The following NME4 variants were observed in gnomAD, a reference collection of about 807,000 sequenced individuals.
The protein encoded by NME4 is NME/NM23 nucleoside diphosphate kinase 4.
A neutral mutation model predicts 16.4 loss-of-function variants in NME4; 21 were observed. The ratio of observed to expected loss-of-function variants is 1.28; its 90% CI spans 0.91 to 1.84. NME4 has a LOEUF of 1.84. NME4 is among the 40% of genes most tolerant of loss of function. The pLI, the probability that NME4 is intolerant of heterozygous loss-of-function variation, is 0.00. For missense variants in NME4, 316 were observed against 261.3 expected (o/e 1.21, Z -1.44); for synonymous variants, 132 against 107.5 (o/e 1.23, Z -1.41).
At chr16:398,285 C>G in intron 1 of NME4, 1 of 1,363,908 alleles carries the variant, frequency 7.3e-7, no homozygotes, top group South Asian at 1.2e-5. Flanking sequence ...CTTGAAACTC[C>G]ACAGCAGCAC....
intron 1 of NME4, chr16:397,754 C>T (rs1360056846): frequency 7.4e-5 from 72 of 977,728 alleles, no homozygotes; most frequent in African/African-American, 7.0e-5. Flanking sequence ...GGAGCCGCTC[C>T]GCTGGGGCGT....
intron 1 of NME4, among the ~76,000 whole-genome samples, chr16:397,527 C>T (rs1442502654): frequency 2.0e-4 from 26 of 131,518 alleles, no homozygotes; most frequent in African/African-American, 7.4e-4. Context: ...CTCGCCTCCC[C>T]AGGCCCCAGG....
In NME4 at chr16:399,658, C is replaced by T. The variant is rs117955933; in HGVS notation, c.359C>T (p.Ser120Leu). The change falls in exon 4 of 5, where the codon TCG becomes TTG. Residue 120 changes from serine to leucine, a missense_variant. Coordinates refer to ENST00000219479, the MANE Select transcript of NME4 (RefSeq NM_005009.3). ...GAAGGGTACAATGTCGTCCGCGCCT[C>T]GAGGGCCATGATTGGACACACCGAC... ...VWEGYNVVRA[S>L]RAMIGHTDSA... 107 of 1,613,180 alleles carry T rather than the reference C, an allele frequency of 6.6e-5. 1 individual carries two copies. Among genetic ancestry groups the T allele is most frequent in the Non-Finnish European group, 8.7e-5 (103 of 1,179,940 alleles).
chr16:396,800 C>T (rs1358388619), upstream of NME4: 1 of 152,232 alleles, frequency 6.6e-6, no homozygotes, highest in Non-Finnish European at 1.5e-5. Flanking sequence ...GGCTTCTAGA[C>T]CTCCTTTTGG....
At chr16:398,122 C>T (rs940927704) in intron 1 of NME4, 19 of 1,534,472 alleles carry the variant, frequency 1.2e-5, no homozygotes, top group Middle Eastern at 1.7e-4. Flanking sequence ...CCTCTGGAAA[C>T]CAGGGACCCG....
chr16:400,143 G>A (rs2054630727), intron 4 of NME4, 76 bp from the exon 5 acceptor site: 3 of 1,603,014 alleles, frequency 1.9e-6, no homozygotes, highest in Non-Finnish European at 2.6e-6. Context: ...AGGGCAACGG[G>A]AGCAGCAGAT....
Position 397,252 on chromosome 16 carries a change from G to A in NME4, c.30G>A (p.Leu10=). 9.6e-7 allele frequency: 1 copy of A among 1,046,006 alleles called. No individual in the cohort carries two copies. The highest frequency in any genetic ancestry group is 1.1e-6 in the Non-Finnish European group (1 of 871,482). The allele number at this position is 1,046,006 out of a possible 1,614,324, so 64.8% of individuals were successfully genotyped here. ...GCGGCCTCTTCTGGCGCTCCGCGCT[G>A]CGGGGGCTGCGCTGCGGCCCGCGGG... The part of the protein sequence containing the change: MGGLFWRSA[L]RGLRCGPRAP... Residue 10 remains leucine (L), a synonymous_variant, in exon 1 of 5, where the codon CTG becomes CTA. Transcript: ENST00000219479.
chr16:399,768 T>A, intron 4 of NME4, 29 bp downstream of exon 4: 2 of 1,579,286 alleles, frequency 1.3e-6, no homozygotes, highest in Non-Finnish European at 1.7e-6. Context: ...ACCAGGCTGC[T>A]GCTGGGGGCA....
chr16:400,104 T>G, intron 4 of NME4, 115 bp from the exon 5 acceptor site: 1 of 1,447,520 alleles, frequency 6.9e-7, no homozygotes, highest in Non-Finnish European at 9.7e-7. Flanking sequence ...CTTCCCTGTC[T>G]GCAGTCACAG....
chr16:398,410 G>T lies in NME4; in HGVS notation c.92-580G>T, dbSNP rs568075522. 7.6e-5 allele frequency: 92 copies of T among 1,218,320 alleles called. No individual in the cohort carries two copies. In the Middle Eastern group the frequency reaches 1.0e-3, roughly 14 times the overall value. The allele number at this position is 1,218,320 out of a possible 1,614,324, so 75.5% of individuals were successfully genotyped here. On this transcript the variant is annotated intron_variant, in intron 1 of 4. Transcript: ENST00000219479. ...GGTGGGGAAAGTGTGTTTCTCCCTG[G>T]TTCCCTGCCACTCATTCACCTCAGA...
Position 400,574 on chromosome 16 carries a change from G to C in NME4, c.*232G>C. 2.0e-6 allele frequency: 1 copy of C among 492,586 alleles called. No homozygotes were observed. Among genetic ancestry groups the C allele is most frequent in the South Asian group, 3.8e-5 (1 of 26,352 alleles). The allele number at this position is 492,586 out of a possible 1,614,324, so 30.5% of individuals were successfully genotyped here. ...TGCACCAAAGTGCCGGACAACCTTT[G>C]TGGTGGGGGGGGGTCTTCACATTAT... On this transcript the variant is annotated 3_prime_UTR_variant, in exon 5 of 5. Coordinates refer to ENST00000219479, the MANE Select transcript of NME4 (RefSeq NM_005009.3).
At position 397,268 on chromosome 16, in the gene NME4, G is replaced by A; in HGVS notation, c.46G>A (p.Gly16Ser). 4.8e-6 allele frequency: 5 copies of A among 1,052,228 alleles called. No individual in the cohort carries two copies. The highest frequency in any genetic ancestry group is 5.7e-6 in the Non-Finnish European group (5 of 875,488). 65.2% of individuals were successfully genotyped at this position (1,052,228 alleles called of 1,614,324 possible). A position where few individuals can be genotyped will look rare whatever the true frequency, so the allele number is the denominator to read the frequency against. Residue 16 changes from glycine (G) to serine (S), a missense_variant, in exon 1 of 5, where the codon GGC becomes AGC. Transcript: ENST00000219479. ...WRSALRGLRC[G>S]PRAPGPSLLV... is the part of the protein sequence containing the mutation. ...CTCCGCGCTGCGGGGGCTGCGCTGCGGCCCGCGGGCCCCGGGCCCGAGCCT... is the reference window on the plus strand; with the variant it reads ...CTCCGCGCTGCGGGGGCTGCGCTGCAGCCCGCGGGCCCCGGGCCCGAGCCT...
intron 1 of NME4, chr16:398,000 G>A: frequency 1.3e-6 from 2 of 1,541,516 alleles, no homozygotes; most frequent in Non-Finnish European, 1.7e-6. Context: ...AACCAACCAG[G>A]GGGTCTTCCT....
At chr16:398,186 A>C (rs1487750621) in intron 1 of NME4, 1 of 1,500,192 alleles carries the variant, frequency 6.7e-7, no homozygotes, top group Non-Finnish European at 9.0e-7. Context: ...GAAGGTGAGG[A>C]CGTCTTCTGT....
In NME4 at chr16:397,246, CGCGCTGCGGGGGCT is replaced by C. The variant is rs2054560251; in HGVS notation, c.34_47del (p.Gly12ProfsTer46). Reference sequence around the variant, plus strand: ...TCATGGGCGGCCTCTTCTGGCGCTCCGCGCTGCGGGGGCTGCGCTGCGGCCCGCGGGCCCCGGGC... The same window carrying C: ...TCATGGGCGGCCTCTTCTGGCGCTCCGCGCTGCGGCCCGCGGGCCCCGGGC... On this transcript the variant is annotated frameshift_variant, in exon 1 of 5. Transcript: ENST00000219479. LOFTEE classifies it high-confidence loss of function. 2 of 1,041,568 alleles carry C rather than the reference CGCGCTGCGGGGGCT, an allele frequency of 1.9e-6. No homozygotes were observed. Among genetic ancestry groups the C allele is most frequent in the South Asian group, 4.5e-5 (1 of 22,422 alleles). 64.5% of individuals were successfully genotyped at this position (1,041,568 alleles called of 1,614,324 possible). A position where few individuals can be genotyped will look rare whatever the true frequency, so the allele number is the denominator to read the frequency against.
At position 397,260 on chromosome 16, in the gene NME4, T is replaced by G. The variant is rs2054560614; in HGVS notation, c.38T>G (p.Leu13Arg). The change falls in exon 1 of 5, where the codon CTG becomes CGG. Residue 13 changes from leucine to arginine, a missense_variant. Coordinates refer to ENST00000219479, the MANE Select transcript of NME4 (RefSeq NM_005009.3). ...GLFWRSALRG[L>R]RCGPRAPGPS... is the part of the protein sequence containing the mutation. ...TTCTGGCGCTCCGCGCTGCGGGGGC[T>G]GCGCTGCGGCCCGCGGGCCCCGGGC... 1 of 1,049,606 alleles carries G rather than the reference T, an allele frequency of 9.5e-7. No homozygotes were observed. The highest frequency in any genetic ancestry group is 1.1e-6 in the Non-Finnish European group (1 of 873,994). 65.0% of individuals were successfully genotyped at this position (1,049,606 alleles called of 1,614,324 possible). A position where few individuals can be genotyped will look rare whatever the true frequency, so the allele number is the denominator to read the frequency against.
chr16:400,145 G>A (rs1597189009), intron 4 of NME4, 74 bp from the exon 5 acceptor site: 5 of 1,602,492 alleles, frequency 3.1e-6, no homozygotes, highest in Non-Finnish European at 3.4e-6. Flanking sequence ...GGCAACGGGA[G>A]CAGCAGATGG....
chr16:400,067 C>A, intron 4 of NME4, 152 bp from the exon 5 acceptor site: 2 of 1,198,588 alleles, frequency 1.7e-6, no homozygotes, highest in Non-Finnish European at 2.5e-6. Context: ...CAGGCTGGAA[C>A]CCGGTTTCCC....
intron 1 of NME4, chr16:398,200 C>T: frequency 1.4e-6 from 2 of 1,477,966 alleles, no homozygotes; most frequent in East Asian, 2.9e-5. Flanking sequence ...CTTCTGTTTC[C>T]CTGGCAGCGT....
Sources: gnomAD v4.1 joint callset for allele counts (sites outside exome capture counted in the v4.1 genomes callset) on GRCh38, gnomAD v4.1.1 for gene constraint, MANE v1.5 for transcripts, NCBI Gene and HGNC (gene_info 2026-07-23, HGNC 2026-07-21) for gene names.